Variants in ENOX1 observed in about 807,000 individuals in gnomAD.
ENOX1 encodes candidate growth-related and time keeping constitutive hydroquinone (NADH) oxidase.
In ENOX1, 42 loss-of-function variants were observed where a neutral mutation model predicts 82.5. The observed-to-expected ratio is 0.51, with a 90% CI of 0.40 to 0.66. The LOEUF (loss-of-function observed/expected upper bound fraction) is 0.66. Among genes scored for constraint, ENOX1 ranks in the 30% least tolerant of loss-of-function variants. The probability of loss-of-function intolerance (pLI) is 0.00; values close to 1 mark genes in which losing one functional copy is unlikely to be tolerated. For synonymous variants in ENOX1, 271 were observed against 282.2 expected, an observed-to-expected ratio of 0.96 and a Z score of 0.40; for missense variants, 608 against 811.6, an observed-to-expected ratio of 0.75 and a Z score of 3.05.
At chr13:43,516,525 G>A (rs1418389759) in intron 2 of ENOX1, among the ~76,000 whole-genome samples, 1 of 152,130 alleles carries the variant, frequency 6.6e-6, no homozygotes, top group Admixed American at 6.6e-5. Flanking sequence ...CTGCTCTCCT[G>A]TCTACTGAAG....
chr13:43,748,153 A>G (rs1369698965), intron 1 of ENOX1, among the ~76,000 whole-genome samples: 1 of 152,216 alleles, frequency 6.6e-6, no homozygotes, highest in Non-Finnish European at 1.5e-5. Flanking sequence ...ATAACTTGAT[A>G]ACTATTTCAA....
intron 11 of ENOX1, among the ~76,000 whole-genome samples, chr13:43,300,180 T>G (rs965431079): frequency 6.6e-6 from 1 of 152,072 alleles, no homozygotes; most frequent in Non-Finnish European, 1.5e-5. Context: ...TACTTCATAT[T>G]TACTGTGCTC....
intron 10 of ENOX1, among the ~76,000 whole-genome samples, chr13:43,324,148 G>A (rs1381628670): frequency 1.3e-5 from 2 of 152,174 alleles, no homozygotes. Flanking sequence ...TGTGATTAGT[G>A]CGGAAATTTT....
chr13:43,312,035 T>C (rs1381285131), intron 11 of ENOX1, among the ~76,000 whole-genome samples: 2 of 152,236 alleles, frequency 1.3e-5, no homozygotes, highest in Non-Finnish European at 2.9e-5. Flanking sequence ...TAAATATATG[T>C]TGTAGATTAA....
intron 8 of ENOX1, among the ~76,000 whole-genome samples, chr13:43,346,955 C>A (rs908675200): frequency 2.6e-5 from 4 of 152,064 alleles, no homozygotes; most frequent in African/African-American, 9.7e-5. Flanking sequence ...CTGTGAGTTT[C>A]ATGTCTACAT....
intron 1 of ENOX1, among the ~76,000 whole-genome samples, chr13:43,703,722 CTAA>C (rs1050830272): frequency 1.1e-4 from 17 of 152,050 alleles, no homozygotes; most frequent in African/African-American, 4.1e-4. Flanking sequence ...TTTGTTTCCC[CTAA>C]TGTTTGCCCA....
At chr13:43,415,271 A>ATTTTTTTTTTTTT (rs1594443486) in intron 3 of ENOX1, among the ~76,000 whole-genome samples, 2 of 33,838 alleles carry the variant, frequency 5.9e-5, no homozygotes, top group African/African-American at 2.0e-4. Flanking sequence ...GTATTTATTG[A>ATTTTTTTTTTTTT]TCATTCTTGG....
At chr13:43,650,971 G>A (rs887324878) in intron 2 of ENOX1, among the ~76,000 whole-genome samples, 2 of 152,144 alleles carry the variant, frequency 1.3e-5, no homozygotes, top group African/African-American at 4.8e-5. Context: ...TAAGCTATAA[G>A]AGAGATCAGT....
chr13:43,783,033 T>C lies in ENOX1; in HGVS notation c.-285+3619A>G, dbSNP rs150590752. On this transcript the variant is annotated intron_variant, in intron 1 of 16. Coordinates refer to ENST00000690772, the MANE Select transcript of ENOX1 (RefSeq NM_001347969.2). The stretch of plus-strand genomic sequence containing the variant: ...ACAGTATGTCCATTGCTTTGTAGGA[T>C]AGGAGATTGTAATGAGTGATTGATT... Among the ~76,000 whole-genome samples the C allele has an allele frequency of 7.2e-5, 11 of 152,294 alleles. No individual in the cohort carries two copies. In the East Asian group the frequency reaches 1.7e-3, roughly 24 times the overall value.
chr13:43,746,135 T>A (rs891943733), intron 1 of ENOX1, among the ~76,000 whole-genome samples: 1 of 152,116 alleles, frequency 6.6e-6, no homozygotes, highest in African/African-American at 2.4e-5. Context: ...TATGGTATAA[T>A]CATATTTATA....
At chr13:43,683,354 C>A (rs1230049428) in intron 1 of ENOX1, among the ~76,000 whole-genome samples, 4 of 152,110 alleles carry the variant, frequency 2.6e-5, no homozygotes, top group Admixed American at 2.0e-4. Flanking sequence ...TCCACAGTTA[C>A]AGAAGCAGGT....
chr13:43,396,339 G>T (rs1291198503), intron 5 of ENOX1, among the ~76,000 whole-genome samples: 1 of 152,150 alleles, frequency 6.6e-6, no homozygotes, highest in Non-Finnish European at 1.5e-5. Context: ...TTAAAGACCA[G>T]ATATACAAAC....
At chr13:43,663,670 C>T (rs888706117) in intron 2 of ENOX1, among the ~76,000 whole-genome samples, 6 of 151,880 alleles carry the variant, frequency 4.0e-5, no homozygotes, top group African/African-American at 1.5e-4. Context: ...AAGGGTACTA[C>T]ATGAATGAAT....
intron 1 of ENOX1, among the ~76,000 whole-genome samples, chr13:43,753,633 G>A (rs983265210): frequency 6.6e-6 from 1 of 152,134 alleles, no homozygotes. Flanking sequence ...AAACACATTT[G>A]CTCAGGAGAG....
chr13:43,726,753 T>TGAGAGA (rs1555370112), intron 1 of ENOX1, among the ~76,000 whole-genome samples: 1 of 141,056 alleles, frequency 7.1e-6, no homozygotes, highest in Non-Finnish European at 1.5e-5. Context: ...TGTGTGTGTG[T>TGAGAGA]GAGAGAGAGA....
At chr13:43,385,401 G>C (rs1312261800) in intron 5 of ENOX1, among the ~76,000 whole-genome samples, 1 of 150,930 alleles carries the variant, frequency 6.6e-6, no homozygotes, top group Non-Finnish European at 1.5e-5. Flanking sequence ...AAGAACCCTA[G>C]TAAATCAACA....
intron 1 of ENOX1, among the ~76,000 whole-genome samples, chr13:43,740,490 A>G (rs1379969447): frequency 1.3e-5 from 2 of 151,524 alleles, no homozygotes; most frequent in African/African-American, 4.9e-5. Flanking sequence ...ATTTTTTTTT[A>G]ACTTTTTAAG....
rs116039622 is a variant in ENOX1 at position 43,669,741 on chromosome 13, G to T, written c.-284-2197C>A. ...CTTAGAAATGATAGGAAAATTGCTC[G>T]ACTCCTAGACTGTTCCGTTGTAATT... is the stretch of plus-strand genomic sequence containing the variant. On this transcript the variant is annotated intron_variant, in intron 1 of 16. Coordinates refer to ENST00000690772, the MANE Select transcript of ENOX1 (RefSeq NM_001347969.2). Among the ~76,000 whole-genome samples the T allele has an allele frequency of 3.3e-5, 5 of 152,090 alleles. No homozygotes were observed. The East Asian group carries it at 9.7e-4, about 29-fold the overall frequency.
intron 3 of ENOX1, among the ~76,000 whole-genome samples, chr13:43,413,873 C>T (rs2054290097): frequency 6.6e-6 from 1 of 151,738 alleles, no homozygotes; most frequent in South Asian, 2.1e-4. Flanking sequence ...AGAGCTTTCA[C>T]ATGTATTTTA....
Sources: gnomAD v4.1 joint callset for allele counts (sites outside exome capture counted in the v4.1 genomes callset) on GRCh38, gnomAD v4.1.1 for gene constraint, MANE v1.5 for transcripts, NCBI Gene and HGNC (gene_info 2026-07-23, HGNC 2026-07-21) for gene names.